SPATA13: variants seen among roughly 807,000 people sequenced by gnomAD.
SPATA13 encodes spermatogenesis-associated protein 13.
A neutral mutation model predicts 104.0 loss-of-function variants in SPATA13; 50 were observed. The ratio of observed to expected loss-of-function variants is 0.48; its 90% confidence interval spans 0.38 to 0.61. SPATA13 has a LOEUF of 0.61. Ranked by LOEUF, SPATA13 falls within the 20% of genes least tolerant of loss-of-function variation. SPATA13 has a pLI of 0.00. For synonymous variants in SPATA13, 606 were observed against 667.5 expected (o/e 0.91, Z 1.42); for missense variants, 1,524 against 1,690.6 (o/e 0.90, Z 1.73).
chr13:24,172,843 G>A (rs1025146235), intron 1 of SPATA13, among the ~76,000 whole-genome samples: 4 of 152,110 alleles, frequency 2.6e-5, no homozygotes, highest in Admixed American at 6.5e-5. Context: ...TAGAATAGTC[G>A]TCTCTCCATC....
intron 3 of SPATA13, among the ~76,000 whole-genome samples, chr13:24,120,168 G>A (rs1254564806): frequency 1.3e-5 from 2 of 151,876 alleles, no homozygotes; most frequent in Admixed American, 6.6e-5. Flanking sequence ...CTCCCTCCCC[G>A]GAAACTCTTG....
At chr13:24,100,814 A>G (rs991449735) in intron 3 of SPATA13, among the ~76,000 whole-genome samples, 20 of 152,252 alleles carry the variant, frequency 1.3e-4, no homozygotes, top group Admixed American at 1.3e-3. Context: ...GATGCATTTC[A>G]CTGCACATCT....
intron 2 of SPATA13, among the ~76,000 whole-genome samples, chr13:23,995,107 A>C (rs970790004): frequency 1.3e-5 from 2 of 152,196 alleles, no homozygotes; most frequent in African/African-American, 4.8e-5. Flanking sequence ...CACAATGTCC[A>C]AAAATGTCAG....
intron 3 of SPATA13, chr13:24,123,291 C>G: frequency 2.6e-6 from 4 of 1,566,196 alleles, no homozygotes; most frequent in Non-Finnish European, 3.5e-6. Context: ...AATCAGACAT[C>G]TTCTTGTCAG....
intron 3 of SPATA13, among the ~76,000 whole-genome samples, chr13:24,125,224 C>T (rs765716251): frequency 1.3e-5 from 2 of 152,218 alleles, no homozygotes; most frequent in East Asian, 1.9e-4. Flanking sequence ...TCAGGGCTCA[C>T]GTCTCTTGCT....
chr13:24,114,096 C>A (rs550350830), intron 3 of SPATA13, among the ~76,000 whole-genome samples: 1 of 152,120 alleles, frequency 6.6e-6, no homozygotes, highest in Non-Finnish European at 1.5e-5. Context: ...GCAAGACATT[C>A]ATATGCAGTG....
At chr13:24,089,955 C>CAA (rs1450680957) in intron 3 of SPATA13, among the ~76,000 whole-genome samples, 1 of 152,198 alleles carries the variant, frequency 6.6e-6, no homozygotes, top group Non-Finnish European at 1.5e-5. Context: ...CTTGTCCCCT[C>CAA]AAACCCTTTT....
In SPATA13 at chr13:24,190,265, TA is replaced by T. The variant is rs1869600826; in HGVS notation, c.-112+29334del. On this transcript the variant is annotated intron_variant, in intron 1 of 12. Coordinates refer to ENST00000382108, the MANE Select transcript of SPATA13 (RefSeq NM_001166271.3). ...AACATATCATATATAATATACATAA[TA>T]TATATTATTATATATAATATATAAT... 1.1e-4 allele frequency among the ~76,000 whole-genome samples: 4 copies of T among 35,000 alleles called. 1 individual carries two copies. The highest frequency in any genetic ancestry group is 2.3e-4 in the African/African-American group (3 of 13,010). 23.0% of individuals were successfully genotyped at this position (35,000 alleles called of 152,430 possible).
intron 1 of SPATA13, 66 bp downstream of exon 1, chr13:24,160,998 C>G: frequency 1.1e-6 from 1 of 931,862 alleles, no homozygotes; most frequent in Non-Finnish European, 1.3e-6. Context: ...GGTAGAATAT[C>G]GGGAGGATTT....
At chr13:24,255,795 C>T (rs764593484) in intron 4 of SPATA13, among the ~76,000 whole-genome samples, 6 of 152,202 alleles carry the variant, frequency 3.9e-5, no homozygotes, top group Admixed American at 6.5e-5. Flanking sequence ...TATATACCAA[C>T]GAAGTGCTAG....
chr13:24,131,223 A>G (rs1255461525), intron 3 of SPATA13, among the ~76,000 whole-genome samples: 1 of 152,206 alleles, frequency 6.6e-6, no homozygotes, highest in Non-Finnish European at 1.5e-5. Context: ...GTTCTTGTGC[A>G]TTTGTTTATA....
intron 3 of SPATA13, among the ~76,000 whole-genome samples, chr13:24,087,909 C>T (rs1879786878): frequency 1.3e-5 from 2 of 152,226 alleles, no homozygotes; most frequent in South Asian, 2.1e-4. Flanking sequence ...TAGTCTTGCC[C>T]ATTGCTCACT....
chr13:23,997,351 CCATACCCA>C, intron 2 of SPATA13, among the ~76,000 whole-genome samples: 1 of 152,286 alleles, frequency 6.6e-6, no homozygotes, highest in African/African-American at 2.4e-5. Flanking sequence ...CCGACCGTCC[CCATACCCA>C]CATTCCCAGG....
In SPATA13 at chr13:24,011,425, C is replaced by T. The variant is rs1876466158; in HGVS notation, c.-146-6242C>T. 6.6e-6 allele frequency among the ~76,000 whole-genome samples: 1 copy of T among 152,212 alleles called. No homozygotes were observed. The highest frequency in any genetic ancestry group is 2.4e-5 in the African/African-American group (1 of 41,438). ...TTCTGGGCAGGTCTGGCTTGCTGCC[C>T]TCCCCTGGAGAATGTGGCGACCCAG... On this transcript the variant is annotated intron_variant, in intron 2 of 14. Transcript: ENST00000424834. This position sits in a 1 kb window ranked among gnomAD's most constrained non-coding sequence, Gnocchi z 4.3.
chr13:24,072,248 C>CCT (rs1879188052), intron 3 of SPATA13, among the ~76,000 whole-genome samples: 1 of 152,088 alleles, frequency 6.6e-6, no homozygotes, highest in African/African-American at 2.4e-5. Flanking sequence ...TTTTAAAAGC[C>CCT]CTCAAGTCAT....
intron 11 of SPATA13, 146 bp downstream of exon 11, chr13:24,297,881 A>G: frequency 1.0e-6 from 1 of 974,264 alleles, no homozygotes; most frequent in Admixed American, 2.9e-5. Context: ...TGCAAACCCT[A>G]AATACTTCTG....
chr13:24,226,194 G>A (rs1387569553), intron 2 of SPATA13, among the ~76,000 whole-genome samples: 5 of 152,194 alleles, frequency 3.3e-5, no homozygotes, highest in African/African-American at 1.2e-4. Context: ...GACTTCACAC[G>A]AAATTGGCAT....
At chr13:24,005,334 C>T (rs972771260) in intron 2 of SPATA13, among the ~76,000 whole-genome samples, 3 of 152,096 alleles carry the variant, frequency 2.0e-5, no homozygotes, top group Non-Finnish European at 2.9e-5. Flanking sequence ...TGTTTAGAGG[C>T]GAGAATTGGA....
intron 1 of SPATA13, among the ~76,000 whole-genome samples, chr13:24,220,500 C>T (rs1213651258): frequency 6.6e-6 from 1 of 152,224 alleles, no homozygotes; most frequent in Admixed American, 6.5e-5. Flanking sequence ...AATTCCCTAT[C>T]CCTTCTAGAG....
Sources: allele counts gnomAD v4.1 joint callset (sites outside exome capture counted in the v4.1 genomes callset), GRCh38; gene constraint gnomAD v4.1.1; non-coding constraint Gnocchi (gnomAD v3.1); transcripts MANE v1.5; gene names NCBI Gene and HGNC (gene_info 2026-07-23, HGNC 2026-07-21).